The following CTNNA3 variants were observed in gnomAD, a reference collection of about 807,000 sequenced individuals.
The protein encoded by CTNNA3 is catenin alpha-3.
A neutral mutation model predicts 95.7 loss-of-function variants in CTNNA3; 76 were observed. The ratio of observed to expected loss-of-function variants is 0.79; its 90% confidence interval spans 0.66 to 0.96. The LOEUF (loss-of-function observed/expected upper bound fraction) is 0.96. Among genes scored for constraint, CTNNA3 ranks in the 40% least tolerant of loss-of-function variants. The pLI is 0.00. For synonymous variants in CTNNA3, 431 were observed against 374.4 expected (o/e 1.15, Z -1.74); for missense variants, 1,191 against 1,089.8 (o/e 1.09, Z -1.31).
At chr10:66,449,801 T>C (rs1337295767) in intron 11 of CTNNA3, among the ~76,000 whole-genome samples, 1 of 152,132 alleles carries the variant, frequency 6.6e-6, no homozygotes, top group Non-Finnish European at 1.5e-5. Flanking sequence ...GACATTTTTC[T>C]AGCAAGAATA....
chr10:66,872,309 A>T (rs929922261), intron 7 of CTNNA3, among the ~76,000 whole-genome samples: 1 of 152,206 alleles, frequency 6.6e-6, no homozygotes, highest in Admixed American at 6.5e-5. Context: ...TCACACAGCT[A>T]TTAATTATAA....
chr10:66,857,062 G>A (rs1019723232), intron 7 of CTNNA3, among the ~76,000 whole-genome samples: 8 of 151,850 alleles, frequency 5.3e-5, no homozygotes, highest in Non-Finnish European at 7.4e-5. Context: ...GTCTTAATCC[G>A]TCTTGAGTTG....
At chr10:66,899,544 G>A (rs953702545) in intron 7 of CTNNA3, among the ~76,000 whole-genome samples, 3 of 152,122 alleles carry the variant, frequency 2.0e-5, no homozygotes, top group African/African-American at 4.8e-5. Flanking sequence ...AAGTAGGGCG[G>A]GGCATTGCCT....
At chr10:67,350,907 T>TGC (rs1842606723) in intron 5 of CTNNA3, among the ~76,000 whole-genome samples, 1 of 53,878 alleles carries the variant, frequency 1.9e-5, no homozygotes, top group Non-Finnish European at 4.6e-5. Context: ...GAAAAAAGTA[T>TGC]GTGTATATAT....
intron 5 of CTNNA3, among the ~76,000 whole-genome samples, chr10:67,403,832 C>G (rs1196287660): frequency 6.6e-6 from 1 of 152,224 alleles, no homozygotes; most frequent in Non-Finnish European, 1.5e-5. Context: ...GTCAGTACTT[C>G]TCTGGGACAG....
chr10:67,238,445 A>C (rs1564503869), intron 5 of CTNNA3, among the ~76,000 whole-genome samples: 1 of 152,168 alleles, frequency 6.6e-6, no homozygotes, highest in Non-Finnish European at 1.5e-5. Context: ...TAAACTAAAA[A>C]AAAAAAAATT....
intron 15 of CTNNA3, among the ~76,000 whole-genome samples, chr10:66,061,329 G>C (rs2080194622): frequency 6.6e-6 from 1 of 152,064 alleles, no homozygotes; most frequent in African/African-American, 2.4e-5. Context: ...GCTACATCAA[G>C]TTTTATGTAA....
chr10:67,256,616 T>A (rs1297737915), intron 5 of CTNNA3, among the ~76,000 whole-genome samples: 1 of 152,142 alleles, frequency 6.6e-6, no homozygotes, highest in Non-Finnish European at 1.5e-5. Context: ...TGACATAAGA[T>A]GGGATGATCT....
At chr10:66,739,761 T>C (rs920802042) in intron 9 of CTNNA3, among the ~76,000 whole-genome samples, 2 of 152,206 alleles carry the variant, frequency 1.3e-5, no homozygotes, top group Non-Finnish European at 2.9e-5. Context: ...AAAAATTTCC[T>C]AATACAAAAA....
chr10:67,445,588 C>T (rs1251086458), intron 5 of CTNNA3, among the ~76,000 whole-genome samples: 1 of 152,148 alleles, frequency 6.6e-6, no homozygotes. Flanking sequence ...TTAGGCCCTA[C>T]CTTCCAAACT....
intron 7 of CTNNA3, among the ~76,000 whole-genome samples, chr10:66,794,542 G>A (rs906217800): frequency 2.0e-5 from 3 of 152,090 alleles, no homozygotes; most frequent in Admixed American, 6.6e-5. Flanking sequence ...TGAGCCTTCA[G>A]CAAGTCAAAA....
intron 2 of CTNNA3, among the ~76,000 whole-genome samples, chr10:67,644,052 A>G (rs970179897): frequency 6.6e-6 from 1 of 152,238 alleles, no homozygotes; most frequent in African/African-American, 2.4e-5. Flanking sequence ...TATACCCAGT[A>G]ACAAGATGGC....
intron 7 of CTNNA3, among the ~76,000 whole-genome samples, chr10:67,072,945 G>A (rs2131853361): frequency 6.6e-6 from 1 of 151,768 alleles, no homozygotes; most frequent in East Asian, 1.9e-4. Context: ...AGAAAGATGT[G>A]TGTTTTAGAT....
intron 13 of CTNNA3, among the ~76,000 whole-genome samples, chr10:66,169,147 C>A (rs1349031025): frequency 6.6e-6 from 1 of 152,118 alleles, no homozygotes; most frequent in East Asian, 1.9e-4. Flanking sequence ...CAAATTGAAG[C>A]CAATCTGTAG....
Position 67,504,048 on chromosome 10 carries a change from T to C in CTNNA3, c.579+17794A>G, listed in dbSNP as rs570919721. Among the ~76,000 whole-genome samples, 136 of 151,120 alleles carry C rather than the reference T, an allele frequency of 9.0e-4. 2 individuals carry two copies. The highest frequency in any genetic ancestry group is 3.2e-3 in the African/African-American group (132 of 41,102). On this transcript the variant is annotated intron_variant, in intron 5 of 17. Transcript: ENST00000433211. ...GGTGGGTGCCTGTAGTCCCAGCTACTTGGGAGGCTGAGGCAGGAGAATGGT... is the reference window on the plus strand; with the variant it reads ...GGTGGGTGCCTGTAGTCCCAGCTACCTGGGAGGCTGAGGCAGGAGAATGGT...
intron 5 of CTNNA3, among the ~76,000 whole-genome samples, chr10:67,360,033 A>C (rs1017272442): frequency 3.9e-5 from 6 of 152,172 alleles, no homozygotes; most frequent in African/African-American, 1.4e-4. Context: ...CAAGCAAGAA[A>C]AAATTGGGAG....
intron 7 of CTNNA3, among the ~76,000 whole-genome samples, chr10:67,145,613 T>A (rs1161403733): frequency 1.3e-5 from 2 of 151,976 alleles, no homozygotes; most frequent in Non-Finnish European, 2.9e-5. Context: ...GTATTTTTAG[T>A]AGAGACGGGG....
At chr10:66,913,238 CAAAAAA>C (rs1161880781) in intron 7 of CTNNA3, among the ~76,000 whole-genome samples, 22 of 33,534 alleles carry the variant, frequency 6.6e-4, no homozygotes, top group Admixed American at 1.2e-3. Context: ...GACTCCGTCT[CAAAAAA>C]AAAAAAAAAA....
rs932624541 is a variant in CTNNA3, at chr10:67,219,493, T to C, written c.843+114A>G. On this transcript the variant is annotated intron_variant, in intron 6 of 17. Transcript: ENST00000433211. Reference sequence around the variant, plus strand: ...CTCAAGAAGGTGATAGAGACTAATCTGGATTTTTTATTTTCTCATGCTCTA... The same window carrying C: ...CTCAAGAAGGTGATAGAGACTAATCCGGATTTTTTATTTTCTCATGCTCTA... 3.3e-6 allele frequency: 4 copies of C among 1,202,718 alleles called. No homozygotes were observed. In the African/African-American group the frequency reaches 4.7e-5, roughly 14 times the overall value. 74.5% of individuals were successfully genotyped at this position (1,202,718 alleles called of 1,614,324 possible).
Sources: gnomAD v4.1 joint callset for allele counts (sites outside exome capture counted in the v4.1 genomes callset) on GRCh38, gnomAD v4.1.1 for gene constraint, MANE v1.5 for transcripts, NCBI Gene and HGNC (gene_info 2026-07-23, HGNC 2026-07-21) for gene names.